AK3: variants seen among roughly 807,000 people sequenced by gnomAD.
AK3 encodes the protein adenylate kinase 3, also known as GTP:AMP phosphotransferase AK3, mitochondrial.
Under a neutral mutation model 23.7 loss-of-function variants are expected in AK3, and 27 were observed. That is an observed-to-expected ratio of 1.14 (90% CI 0.84 to 1.57). The LOEUF (loss-of-function observed/expected upper bound fraction) is 1.57. AK3 is among the 40% of genes most tolerant of loss of function. The pLI is 0.00. For synonymous variants in AK3, 159 were observed against 116.0 expected, an observed-to-expected ratio of 1.37 and a Z score of -2.38; for missense variants, 406 against 285.6, an observed-to-expected ratio of 1.42 and a Z score of -3.04.
chr9:4,733,766 G>C (rs978695981), intron 1 of AK3, among the ~76,000 whole-genome samples: 1 of 151,878 alleles, frequency 6.6e-6, no homozygotes, highest in Non-Finnish European at 1.5e-5. Flanking sequence ...CTCCCCATTG[G>C]CACTTCACCC....
chr9:4,727,595 C>G (rs4615632), intron 1 of AK3, among the ~76,000 whole-genome samples: 1 of 151,994 alleles, frequency 6.6e-6, no homozygotes, highest in African/African-American at 2.4e-5. Context: ...TGTGGCTGGT[C>G]TGATCTTCTT....
At chr9:4,721,528 C>T (rs1369935550) in intron 2 of AK3, among the ~76,000 whole-genome samples, 1 of 151,780 alleles carries the variant, frequency 6.6e-6, no homozygotes, top group Non-Finnish European at 1.5e-5. Flanking sequence ...GGGGCAATCT[C>T]GGTTCACCGC....
At chr9:4,741,218 T>C, upstream of AK3, 1 of 1,083,462 alleles carries the variant, frequency 9.2e-7, no homozygotes, top group Non-Finnish European at 1.2e-6. Flanking sequence ...TCCCCGGCGT[T>C]CCCGGAAGTG....
Position 4,721,389 on chromosome 9 carries a change from C to T in AK3, c.271+1117G>A, listed in dbSNP as rs1043015619. On this transcript the variant is annotated intron_variant, in intron 2 of 4. Coordinates refer to ENST00000381809, the MANE Select transcript of AK3 (RefSeq NM_016282.4). ...TCACACTCCAGCCTGGGCAACAGAG[C>T]CAGACACTGTCTCCATTAAAAAAAA... Among the ~76,000 whole-genome samples the T allele has an allele frequency of 8.1e-5, 12 of 148,710 alleles. No individual in the cohort carries two copies. In the Admixed American group the frequency reaches 8.2e-4, roughly 10 times the overall value.
At chr9:4,721,338 G>C (rs1162111454) in intron 2 of AK3, among the ~76,000 whole-genome samples, 2 of 151,600 alleles carry the variant, frequency 1.3e-5, no homozygotes, top group Non-Finnish European at 2.9e-5. Flanking sequence ...AGGAGGAAGA[G>C]GTTGCAGTGA....
intron 3 of AK3, among the ~76,000 whole-genome samples, 153 bp downstream of exon 3, chr9:4,718,982 G>C (rs1041455679): frequency 5.3e-5 from 8 of 152,126 alleles, no homozygotes; most frequent in Non-Finnish European, 1.2e-4. Context: ...ACCAAGCTCA[G>C]TGGACTTGAT....
intron 1 of AK3, among the ~76,000 whole-genome samples, chr9:4,727,013 C>T (rs535020029): frequency 1.2e-4 from 18 of 152,134 alleles, no homozygotes; most frequent in African/African-American, 3.9e-4. Flanking sequence ...TACTTTCAAA[C>T]GAATCTTTTT....
At chr9:4,733,611 C>T (rs1013076633) in intron 1 of AK3, among the ~76,000 whole-genome samples, 2 of 152,240 alleles carry the variant, frequency 1.3e-5, no homozygotes, top group South Asian at 4.1e-4. Context: ...TCTCTCTCCT[C>T]TTCAGTGAAG....
chr9:4,731,974 T>G (rs10120222), intron 1 of AK3, among the ~76,000 whole-genome samples: 1 of 152,162 alleles, frequency 6.6e-6, no homozygotes, highest in Admixed American at 6.5e-5. Flanking sequence ...TTTAGAGACA[T>G]GGTCTCACTC....
chr9:4,722,776 GC>G (rs1182923091), intron 1 of AK3, 151 bp from the exon 2 acceptor site: 3 of 1,239,586 alleles, frequency 2.4e-6, no homozygotes, highest in Non-Finnish European at 3.3e-6. Context: ...AAAGGTTATG[GC>G]CGGGAACAGT....
At chr9:4,739,315 C>A (rs572930858) in intron 1 of AK3, among the ~76,000 whole-genome samples, 1 of 151,616 alleles carries the variant, frequency 6.6e-6, no homozygotes, top group East Asian at 1.9e-4. Context: ...CTCAGCCTCC[C>A]GAGTAGCTAG....
At chr9:4,733,957 C>G (rs920735006) in intron 1 of AK3, among the ~76,000 whole-genome samples, 4 of 152,208 alleles carry the variant, frequency 2.6e-5, no homozygotes, top group Non-Finnish European at 5.9e-5. Flanking sequence ...ATGTCACAGA[C>G]TTGTCTCTAT....
At chr9:4,714,522 C>T (rs1309681192) in intron 4 of AK3, among the ~76,000 whole-genome samples, 2 of 152,196 alleles carry the variant, frequency 1.3e-5, no homozygotes, top group African/African-American at 4.8e-5. Flanking sequence ...GCACCTGGTA[C>T]TGCTTTCAAG....
At chr9:4,725,457 G>C (rs1026309404) in intron 1 of AK3, among the ~76,000 whole-genome samples, 1 of 151,998 alleles carries the variant, frequency 6.6e-6, no homozygotes, top group Non-Finnish European at 1.5e-5. Flanking sequence ...AAAACTTTTT[G>C]TGCTTCAAAG....
At chr9:4,717,356 G>C (rs150365365) in intron 4 of AK3, among the ~76,000 whole-genome samples, 1 of 152,284 alleles carries the variant, frequency 6.6e-6, no homozygotes, top group African/African-American at 2.4e-5. Flanking sequence ...ATTCAGTACG[G>C]TTCCTATACG....
chr9:4,712,995 T>C lies in AK3; in HGVS notation c.665A>G (p.Lys222Arg). The change falls in exon 5 of 5, where the codon AAA becomes AGA. Residue 222 changes from lysine (K) to arginine (R), a missense_variant. Transcript: ENST00000381809. ...TTCTCCTCATGGAGTAACTGAAGCT[T>C]TCTGGCTTCTTTGTGGAACTTTAGT... is the stretch of plus-strand genomic sequence containing the variant. ...LQTKVPQRSQ[K>R]ASVTP 6.2e-7 allele frequency: 1 copy of C among 1,613,612 alleles called. No homozygotes were observed. Among genetic ancestry groups the C allele is most frequent in the Non-Finnish European group, 8.5e-7 (1 of 1,179,702 alleles).
At chr9:4,714,692 G>C (rs996786405) in intron 4 of AK3, among the ~76,000 whole-genome samples, 2 of 152,168 alleles carry the variant, frequency 1.3e-5, no homozygotes, top group Non-Finnish European at 2.9e-5. Flanking sequence ...GTAATAAAAT[G>C]GAACCAGCTT....
intron 4 of AK3, among the ~76,000 whole-genome samples, chr9:4,717,181 T>C (rs1587638137): frequency 6.6e-6 from 1 of 152,122 alleles, no homozygotes; most frequent in East Asian, 1.9e-4. Context: ...TGAACTTAGG[T>C]ATTCTGGCTC....
chr9:4,741,816 TCTACCCCC>T (rs1842441671), upstream of AK3: 3 of 150,742 alleles, frequency 2.0e-5, no homozygotes, highest in Admixed American at 6.6e-5. Context: ...GCCCCTCCCT[TCTACCCCC>T]CTGGACCGCC....
Sources: gnomAD v4.1 joint callset for allele counts (sites outside exome capture counted in the v4.1 genomes callset) on GRCh38, gnomAD v4.1.1 for gene constraint, MANE v1.5 for transcripts, NCBI Gene and HGNC (gene_info 2026-07-23, HGNC 2026-07-21) for gene names.